The following FAM162A variants were observed in gnomAD, a reference collection of about 807,000 sequenced individuals.
FAM162A encodes family with sequence similarity 162 member A, also known as protein FAM162A.
Under a neutral mutation model 21.8 loss-of-function variants are expected in FAM162A, and 23 were observed. The ratio of observed to expected loss-of-function variants is 1.05; its 90% confidence interval spans 0.76 to 1.49. FAM162A has a LOEUF of 1.49. Among genes scored for constraint, FAM162A ranks in the 40% most tolerant of loss-of-function variants. The probability of loss-of-function intolerance (pLI) is 0.00; values close to 1 mark genes in which losing one functional copy is unlikely to be tolerated. For synonymous variants in FAM162A, 53 were observed against 61.3 expected (o/e 0.86, Z 0.64); for missense variants, 165 against 186.4 (o/e 0.89, Z 0.67).
Position 122,402,750 on chromosome 3 carries a change from T to C in FAM162A, c.35-10T>C, listed in dbSNP as rs1192071841. ...TTTCTTTCTTTGAAACATTTTCCTC[T>C]CTTTTTTAGGAAGCTGTTTTAGGTT... On this transcript the variant is annotated splice_polypyrimidine_tract_variant and intron_variant, in intron 1 of 4. Coordinates refer to ENST00000477892, the MANE Select transcript of FAM162A (RefSeq NM_014367.4). The C allele has an allele frequency of 1.1e-5, 17 of 1,494,732 alleles. No individual in the cohort carries two copies. Among genetic ancestry groups the C allele is most frequent in the Non-Finnish European group, 1.4e-5 (16 of 1,121,572 alleles). The allele number at this position is 1,494,732 out of a possible 1,614,324, so 92.6% of individuals were successfully genotyped here.
At chr3:122,386,769 G>A (rs28630628) in intron 1 of FAM162A, among the ~76,000 whole-genome samples, 35,468 of 151,912 alleles carry the variant, frequency 0.23, 5,333 homozygotes, top group African/African-American at 0.42. Flanking sequence ...TTATGAGCTC[G>A]AATTTGTTGT....
chr3:122,394,255 AAC>A (rs2075617394), intron 1 of FAM162A, among the ~76,000 whole-genome samples: 1 of 152,154 alleles, frequency 6.6e-6, no homozygotes, highest in South Asian at 2.1e-4. Flanking sequence ...CCACACCTCC[AAC>A]ACTGGGGGTT....
At chr3:122,387,616 A>G (rs114065911) in intron 1 of FAM162A, among the ~76,000 whole-genome samples, 1 of 152,286 alleles carries the variant, frequency 6.6e-6, no homozygotes, top group African/African-American at 2.4e-5. Flanking sequence ...TTGCTAACCA[A>G]ACCTAAATGA....
chr3:122,384,433 C>G (rs1384595923), intron 1 of FAM162A, 134 bp downstream of exon 1: 29 of 1,107,614 alleles, frequency 2.6e-5, no homozygotes, highest in Non-Finnish European at 3.7e-5. Flanking sequence ...AGAATCCTAC[C>G]TACTTAGTAG....
At chr3:122,386,547 G>C (rs1335563953) in intron 1 of FAM162A, among the ~76,000 whole-genome samples, 1 of 136,340 alleles carries the variant, frequency 7.3e-6, no homozygotes, top group Non-Finnish European at 1.5e-5. Context: ...AACAGAGTGA[G>C]ACCCTGTCTA....
At chr3:122,385,576 A>G (rs2075571287) in intron 1 of FAM162A, among the ~76,000 whole-genome samples, 1 of 152,230 alleles carries the variant, frequency 6.6e-6, no homozygotes, top group Non-Finnish European at 1.5e-5. Context: ...AATACTGAGT[A>G]TATTGTAAGT....
intron 1 of FAM162A, 124 bp downstream of exon 1, chr3:122,384,423 A>G: frequency 1.1e-5 from 13 of 1,192,168 alleles, no homozygotes; most frequent in Non-Finnish European, 1.6e-5. Context: ...TCGGTTCCTC[A>G]GAATCCTACC....
chr3:122,384,307 G>C lies in FAM162A; in HGVS notation c.34+8G>C, dbSNP rs1330349528. 2.5e-6 allele frequency: 4 copies of C among 1,574,412 alleles called. 1 individual carries two copies. In the South Asian group the frequency reaches 4.7e-5, roughly 18 times the overall value. ...GTCTGCGCCTGGCAGCAGGTGAGAC[G>C]CCGGTCGGGATATGGGAGGTAGGGG... On this transcript the variant is annotated splice_region_variant and intron_variant, in intron 1 of 4. Coordinates refer to ENST00000477892, the MANE Select transcript of FAM162A (RefSeq NM_014367.4).
intron 1 of FAM162A, among the ~76,000 whole-genome samples, chr3:122,398,101 A>C (rs530034841): frequency 1.3e-5 from 2 of 152,372 alleles, no homozygotes; most frequent in South Asian, 4.1e-4. Flanking sequence ...GTAAAAATGC[A>C]ACGTAAGGAA....
At chr3:122,396,448 A>G (rs1183601698) in intron 1 of FAM162A, among the ~76,000 whole-genome samples, 1 of 152,226 alleles carries the variant, frequency 6.6e-6, no homozygotes, top group Non-Finnish European at 1.5e-5. Flanking sequence ...CTACAATGAG[A>G]TACCACTTCC....
At chr3:122,386,915 A>G (rs2075577024) in intron 1 of FAM162A, among the ~76,000 whole-genome samples, 1 of 152,272 alleles carries the variant, frequency 6.6e-6, no homozygotes, top group South Asian at 2.1e-4. Flanking sequence ...TCCATATTTT[A>G]TATCTGCTAC....
chr3:122,400,678 T>A (rs2075648644), intron 1 of FAM162A, among the ~76,000 whole-genome samples: 1 of 148,560 alleles, frequency 6.7e-6, no homozygotes, highest in South Asian at 2.1e-4. Context: ...TACAAAAAAA[T>A]TAGCTGGGCA....
At chr3:122,406,458 T>C (rs1350683047) in intron 3 of FAM162A, among the ~76,000 whole-genome samples, 2 of 152,232 alleles carry the variant, frequency 1.3e-5, no homozygotes, top group Non-Finnish European at 2.9e-5. Context: ...CCAAGGTAGA[T>C]TGGCCTTTAG....
intron 1 of FAM162A, among the ~76,000 whole-genome samples, chr3:122,400,153 G>A (rs982998815): frequency 2.0e-5 from 3 of 152,136 alleles, no homozygotes; most frequent in African/African-American, 7.2e-5. Flanking sequence ...AGTGGATAAA[G>A]AAAATGTAGC....
In FAM162A at chr3:122,384,240, G is replaced by T. The variant is rs767393992; in HGVS notation, c.-26G>T. The T allele has an allele frequency of 7.7e-6, 12 of 1,564,390 alleles. No homozygotes were observed. The highest frequency in any genetic ancestry group is 1.4e-5 in the African/African-American group (1 of 73,800). On this transcript the variant is annotated 5_prime_UTR_variant, in exon 1 of 5. Coordinates refer to ENST00000477892, the MANE Select transcript of FAM162A (RefSeq NM_014367.4). ...GCCACCGTCCCCGGCGAAGTTCTGC[G>T]CTGGTCGGCGGAGTAGCAAGTGGCC...
chr3:122,402,359 C>T (rs1442986808), intron 1 of FAM162A, among the ~76,000 whole-genome samples: 3 of 152,054 alleles, frequency 2.0e-5, no homozygotes, highest in Non-Finnish European at 4.4e-5. Context: ...AGCCCCCTAA[C>T]CAGTTTATCA....
At chr3:122,391,582 G>A (rs2075604568) in intron 1 of FAM162A, among the ~76,000 whole-genome samples, 1 of 152,144 alleles carries the variant, frequency 6.6e-6, no homozygotes, top group Non-Finnish European at 1.5e-5. Flanking sequence ...AAAAAGTTGG[G>A]AGATACAGTC....
intron 1 of FAM162A, 110 bp downstream of exon 1, chr3:122,384,409 T>C: frequency 7.6e-7 from 1 of 1,309,776 alleles, no homozygotes; most frequent in Non-Finnish European, 1.1e-6. Context: ...CATGACGCAC[T>C]TTCTCGGTTC....
At chr3:122,395,893 T>C (rs1314281648) in intron 1 of FAM162A, among the ~76,000 whole-genome samples, 1 of 152,160 alleles carries the variant, frequency 6.6e-6, no homozygotes, top group East Asian at 1.9e-4. Flanking sequence ...TATACTCTCA[T>C]ATTTACAGTC....
Sources: gnomAD v4.1 joint callset for allele counts (sites outside exome capture counted in the v4.1 genomes callset) on GRCh38, gnomAD v4.1.1 for gene constraint, MANE v1.5 for transcripts, NCBI Gene and HGNC (gene_info 2026-07-23, HGNC 2026-07-21) for gene names.